CTNNA2: variants seen among roughly 807,000 people sequenced by gnomAD.
CTNNA2 encodes catenin alpha-2.
A neutral mutation model predicts 101.0 loss-of-function variants in CTNNA2; 42 were observed. That is an observed-to-expected ratio of 0.42 (90% CI 0.32 to 0.54). CTNNA2 has a LOEUF of 0.54. Ranked by LOEUF, CTNNA2 falls within the 20% of genes least tolerant of loss-of-function variation. CTNNA2 has a pLI of 0.14. For missense variants in CTNNA2, 871 were observed against 1,223.1 expected (o/e 0.71, Z 4.29); for synonymous variants, 450 against 456.4 (o/e 0.99, Z 0.18).
rs10562571 is a variant in CTNNA2 at position 80,438,008 on chromosome 2, T to TCAAA, written c.1290+18428_1290+18431dup. 1.3e-3 allele frequency among the ~76,000 whole-genome samples: 203 copies of TCAAA among 151,808 alleles called. No homozygotes were observed. In the East Asian group the frequency reaches 0.031, roughly 24 times the overall value. On this transcript the variant is annotated intron_variant, in intron 9 of 18. Transcript: ENST00000402739. ...TGGGCAACAAGAGCAAAACTCTGTC[T>TCAAA]CAAACAAACAAACAAACAAACAAAA... is the stretch of plus-strand genomic sequence containing the variant.
At chr2:80,214,749 T>A (rs952180258) in intron 7 of CTNNA2, among the ~76,000 whole-genome samples, 1 of 152,188 alleles carries the variant, frequency 6.6e-6, no homozygotes, top group Admixed American at 6.5e-5. Context: ...GAGTTGCCCT[T>A]CTTGAGGAGT....
At chr2:79,778,590 TATAC>T (rs1009464367) in intron 3 of CTNNA2, among the ~76,000 whole-genome samples, 29 of 151,970 alleles carry the variant, frequency 1.9e-4, no homozygotes, top group African/African-American at 6.5e-4. Flanking sequence ...TATATACATA[TATAC>T]ATACATATAT....
At chr2:79,992,126 T>C (rs1333182997) in intron 7 of CTNNA2, among the ~76,000 whole-genome samples, 1 of 152,192 alleles carries the variant, frequency 6.6e-6, no homozygotes, top group Non-Finnish European at 1.5e-5. Flanking sequence ...GATAATAATG[T>C]AATTTATCTT....
intron 2 of CTNNA2, among the ~76,000 whole-genome samples, chr2:79,662,385 A>C (rs527995578): frequency 6.6e-6 from 1 of 152,322 alleles, no homozygotes; most frequent in East Asian, 1.9e-4. Flanking sequence ...TTTAAAATGC[A>C]AGTAATGTCA....
intron 7 of CTNNA2, among the ~76,000 whole-genome samples, chr2:80,177,884 T>C (rs539463678): frequency 7.9e-5 from 12 of 152,320 alleles, no homozygotes; most frequent in Admixed American, 7.8e-4. Context: ...CCATTTCTCC[T>C]TCCAAGCAAA....
chr2:79,761,491 T>A (rs183713955), intron 3 of CTNNA2, among the ~76,000 whole-genome samples: 19 of 152,306 alleles, frequency 1.2e-4, no homozygotes, highest in Non-Finnish European at 2.5e-4. Flanking sequence ...GGAGTGAAAT[T>A]TGAGCTCAAG....
chr2:79,629,835 C>T (rs1325574780), intron 1 of CTNNA2, among the ~76,000 whole-genome samples: 1 of 152,014 alleles, frequency 6.6e-6, no homozygotes, highest in Non-Finnish European at 1.5e-5. Flanking sequence ...CCTTGCTGAA[C>T]CTGGAGAGGC....
intron 3 of CTNNA2, among the ~76,000 whole-genome samples, chr2:79,799,934 G>A (rs754087667): frequency 3.3e-5 from 5 of 152,098 alleles, no homozygotes; most frequent in Non-Finnish European, 5.9e-5. Context: ...TGCTTAGAGG[G>A]GAAAAGTTCA....
At chr2:80,079,120 C>T (rs969462839) in intron 7 of CTNNA2, among the ~76,000 whole-genome samples, 2 of 152,140 alleles carry the variant, frequency 1.3e-5, no homozygotes, top group Non-Finnish European at 2.9e-5. Flanking sequence ...TGCTAGCTGG[C>T]GTGATGGATT....
intron 1 of CTNNA2, among the ~76,000 whole-genome samples, chr2:79,187,707 G>T (rs2104153011): frequency 6.6e-6 from 1 of 152,258 alleles, no homozygotes; most frequent in East Asian, 1.9e-4. Flanking sequence ...ACAGAAGGCT[G>T]CCTGTTAATA....
At chr2:79,476,869 G>A (rs1199431884) in intron 4 of CTNNA2, among the ~76,000 whole-genome samples, 1 of 152,172 alleles carries the variant, frequency 6.6e-6, no homozygotes, top group Non-Finnish European at 1.5e-5. Context: ...CCAGAAGACA[G>A]GTGGGAAATT....
At chr2:79,221,539 A>C (rs1321381474) in intron 2 of CTNNA2, among the ~76,000 whole-genome samples, 1 of 152,180 alleles carries the variant, frequency 6.6e-6, no homozygotes, top group Admixed American at 6.5e-5. Context: ...TATCACAGAA[A>C]TGTTTATAAT....
chr2:79,552,044 A>G (rs1180843210), intron 1 of CTNNA2, among the ~76,000 whole-genome samples: 2 of 152,112 alleles, frequency 1.3e-5, no homozygotes, highest in Non-Finnish European at 2.9e-5. Context: ...CGAAGTCTTA[A>G]CTCATCCCAG....
intron 3 of CTNNA2, among the ~76,000 whole-genome samples, chr2:79,812,076 G>A (rs576166259): frequency 7.9e-5 from 12 of 152,258 alleles, no homozygotes; most frequent in Admixed American, 1.3e-4. Flanking sequence ...GCATGTATGC[G>A]TGAATTGACC....
At chr2:79,528,431 C>T (rs1179675082) in intron 1 of CTNNA2, among the ~76,000 whole-genome samples, 1 of 151,894 alleles carries the variant, frequency 6.6e-6, no homozygotes, top group Non-Finnish European at 1.5e-5. Context: ...ATTGCCCAGA[C>T]TGAGAGTTTT....
chr2:80,357,259 G>A (rs1459759995), intron 7 of CTNNA2, among the ~76,000 whole-genome samples: 4 of 145,922 alleles, frequency 2.7e-5, no homozygotes, highest in African/African-American at 7.6e-5. Flanking sequence ...TTGTTTGTTT[G>A]TTTTTGTTTT....
At chr2:79,325,927 G>A (rs1307207282) in intron 3 of CTNNA2, among the ~76,000 whole-genome samples, 1 of 152,192 alleles carries the variant, frequency 6.6e-6, no homozygotes, top group Non-Finnish European at 1.5e-5. Flanking sequence ...TGTGTGAAAT[G>A]TTTAGAGAGA....
At chr2:79,470,822 C>T (rs1368497639) in intron 4 of CTNNA2, among the ~76,000 whole-genome samples, 3 of 152,156 alleles carry the variant, frequency 2.0e-5, no homozygotes, top group Admixed American at 6.6e-5. Context: ...GGTGCATACA[C>T]GGAGTCATTC....
intron 7 of CTNNA2, among the ~76,000 whole-genome samples, chr2:80,224,048 C>A (rs1708727992): frequency 6.6e-6 from 1 of 152,178 alleles, no homozygotes; most frequent in Non-Finnish European, 1.5e-5. Flanking sequence ...AGCCAGAGAA[C>A]CAGCCTTAGC....
Sources: allele counts gnomAD v4.1 joint callset (sites outside exome capture counted in the v4.1 genomes callset), GRCh38; gene constraint gnomAD v4.1.1; transcripts MANE v1.5; gene names NCBI Gene and HGNC (gene_info 2026-07-23, HGNC 2026-07-21).